RABGAP1: variants seen among roughly 807,000 people sequenced by gnomAD.
The protein encoded by RABGAP1 is rab GTPase-activating protein 1.
Under a neutral mutation model 137.6 loss-of-function variants are expected in RABGAP1, and 23 were observed. That is an observed-to-expected ratio of 0.17 (90% confidence interval 0.12 to 0.24). The LOEUF is 0.24. RABGAP1 is among the 10% of genes least tolerant of loss of function. The pLI is 1.00. For synonymous variants in RABGAP1, 451 were observed against 450.7 expected (o/e 1.00, Z -0.01); for missense variants, 906 against 1,275.8 (o/e 0.71, Z 4.42).
rs527982267 is a variant in RABGAP1, at chr9:123,055,278, A to AC, written c.1795-10064dup. Among the ~76,000 whole-genome samples the AC allele has an allele frequency of 5.7e-3, 858 of 151,576 alleles. 7 individuals carry two copies. The highest frequency in any genetic ancestry group is 6.8e-3 in the Middle Eastern group (2 of 294). ...ACGATCACAGCTCACTGCAGCTTTG[A>AC]CCCCCCAGGCTCAAGCAGTCCTCCC... On this transcript the variant is annotated intron_variant, in intron 13 of 25. Transcript: ENST00000373647.
chr9:122,995,358 G>A (rs1396474783), intron 6 of RABGAP1, among the ~76,000 whole-genome samples: 1 of 151,994 alleles, frequency 6.6e-6, no homozygotes, highest in African/African-American at 2.4e-5. Context: ...ATATGTTTAA[G>A]CAAAGAAGGT....
At chr9:123,087,498 A>G (rs2132202910) in intron 19 of RABGAP1, among the ~76,000 whole-genome samples, 1 of 152,284 alleles carries the variant, frequency 6.6e-6, no homozygotes, top group African/African-American at 2.4e-5. Context: ...TTGTCTATAC[A>G]CTTACTGATT....
intron 21 of RABGAP1, among the ~76,000 whole-genome samples, chr9:123,093,771 A>G (rs1208975494): frequency 1.3e-5 from 2 of 152,184 alleles, no homozygotes; most frequent in Non-Finnish European, 2.9e-5. Flanking sequence ...TGTTCTTTGC[A>G]TTTCTGTATC....
At chr9:123,034,781 C>CATATGCTGA in intron 13 of RABGAP1, 1 of 1,613,406 alleles carries the variant, frequency 6.2e-7, no homozygotes, top group Non-Finnish European at 8.5e-7. Flanking sequence ...CAGACTATGG[C>CATATGCTGA]ATATGCTGAC....
At chr9:123,055,440 C>T (rs185785631) in intron 13 of RABGAP1, among the ~76,000 whole-genome samples, 75 of 152,110 alleles carry the variant, frequency 4.9e-4, no homozygotes, top group Non-Finnish European at 8.5e-4. Flanking sequence ...CCGTGTTGCC[C>T]AGGCTGGTCT....
At chr9:123,002,072 CTGGCGGATCACCTGAGGT>C (rs1837349003) in intron 10 of RABGAP1, among the ~76,000 whole-genome samples, 1 of 152,112 alleles carries the variant, frequency 6.6e-6, no homozygotes, top group Non-Finnish European at 1.5e-5. Flanking sequence ...GAGGCCGAGG[CTGGCGGATCACCTGAGGT>C]TGGGAGTTTG....
At chr9:122,985,611 C>CAAAAAAAA (rs34147826) in intron 3 of RABGAP1, among the ~76,000 whole-genome samples, 1 of 91,108 alleles carries the variant, frequency 1.1e-5, no homozygotes, top group Non-Finnish European at 1.9e-5. Context: ...GACTCCGTCT[C>CAAAAAAAA]AAAAAAAAAA....
chr9:122,967,656 A>G (rs1703406920), intron 2 of RABGAP1, among the ~76,000 whole-genome samples: 1 of 152,136 alleles, frequency 6.6e-6, no homozygotes, highest in Non-Finnish European at 1.5e-5. Context: ...TACTTTGATT[A>G]GTCATTTATA....
At chr9:123,030,183 T>A (rs1281004909) in intron 13 of RABGAP1, among the ~76,000 whole-genome samples, 1 of 151,592 alleles carries the variant, frequency 6.6e-6, no homozygotes, top group Non-Finnish European at 1.5e-5. Flanking sequence ...TAAGAGGTTT[T>A]AACTGACATT....
At chr9:123,074,746 A>G (rs920602661) in intron 17 of RABGAP1, among the ~76,000 whole-genome samples, 4 of 152,236 alleles carry the variant, frequency 2.6e-5, no homozygotes, top group East Asian at 1.9e-4. Context: ...AAAAAAGTCA[A>G]TGTTGGCAGT....
In RABGAP1 at chr9:122,984,467, T is replaced by G; in HGVS notation, c.151-18T>G. 1 of 1,603,148 alleles carries G rather than the reference T, an allele frequency of 6.2e-7. No individual in the cohort carries two copies. Among genetic ancestry groups the G allele is most frequent in the South Asian group, 1.1e-5 (1 of 89,932 alleles). ...AATCTTTGTCACTTTGCTGATTGCA[T>G]GTATTTGTGACCCTTAGATTGTAGG... On this transcript the variant is annotated intron_variant, in intron 2 of 25. Transcript: ENST00000373647.
chr9:123,054,482 A>G (rs2033614541), intron 13 of RABGAP1, among the ~76,000 whole-genome samples: 1 of 152,218 alleles, frequency 6.6e-6, no homozygotes, highest in African/African-American at 2.4e-5. Context: ...AAATACTGTA[A>G]AAATAGTACA....
At chr9:123,010,610 T>TCCC in intron 11 of RABGAP1, 82 bp downstream of exon 11, 1 of 1,279,478 alleles carries the variant, frequency 7.8e-7, no homozygotes, top group Non-Finnish European at 1.1e-6. Context: ...GGATTGATAA[T>TCCC]GTGATACGGC....
intron 2 of RABGAP1, among the ~76,000 whole-genome samples, chr9:122,964,303 A>G (rs1348302580): frequency 6.6e-6 from 1 of 152,248 alleles, no homozygotes; most frequent in African/African-American, 2.4e-5. Flanking sequence ...TATGGACACA[A>G]AAATCCTTGA....
At chr9:123,057,277 G>A (rs536815908) in intron 13 of RABGAP1, among the ~76,000 whole-genome samples, 2 of 146,734 alleles carry the variant, frequency 1.4e-5, no homozygotes, top group Non-Finnish European at 3.0e-5. Flanking sequence ...CTGGGCGGAG[G>A]GGCTCCTCAC....
In RABGAP1 at chr9:123,073,568, C is replaced by T. The variant is rs1168513929; in HGVS notation, c.2000C>T (p.Ala667Val). 6.2e-7 allele frequency: 1 copy of T among 1,612,822 alleles called. No individual in the cohort carries two copies. The highest frequency in any genetic ancestry group is 1.3e-5 in the African/African-American group (1 of 74,814). The stretch of plus-strand genomic sequence containing the variant: ...CTGTTACAGATGCCTGAAGAACAGG[C>T]ATTCAGTGTTCTGGTCAAGATCATG... ...VLLLHMPEEQ[A>V]FSVLVKIMFD... The change falls in exon 16 of 26, where the codon GCA (alanine) becomes GTA (valine). Residue 667 changes from alanine to valine, a missense_variant. By Grantham distance (64) the Ala-to-Val change is moderately conservative. Coordinates refer to ENST00000373647, the MANE Select transcript of RABGAP1 (RefSeq NM_012197.4).
intron 21 of RABGAP1, among the ~76,000 whole-genome samples, chr9:123,093,309 C>T (rs562401830): frequency 1.8e-4 from 28 of 152,304 alleles, no homozygotes; most frequent in African/African-American, 6.0e-4. Context: ...CTTAATTCCT[C>T]GGTGACCCCA....
At chr9:123,018,309 A>C (rs1425059211) in intron 12 of RABGAP1, among the ~76,000 whole-genome samples, 1 of 152,226 alleles carries the variant, frequency 6.6e-6, no homozygotes, top group Non-Finnish European at 1.5e-5. Flanking sequence ...AGTTGGATAA[A>C]GTTAATATTA....
chr9:122,981,979 G>T (rs1414149574), intron 2 of RABGAP1, among the ~76,000 whole-genome samples: 1 of 151,812 alleles, frequency 6.6e-6, no homozygotes, highest in Non-Finnish European at 1.5e-5. Flanking sequence ...AACCTGGGAG[G>T]CAGAGGTTGC....
Sources: allele counts gnomAD v4.1 joint callset (sites outside exome capture counted in the v4.1 genomes callset), GRCh38; gene constraint gnomAD v4.1.1; transcripts MANE v1.5; gene names NCBI Gene and HGNC (gene_info 2026-07-23, HGNC 2026-07-21).